Variants in TFEC observed in about 807,000 individuals in gnomAD.
The protein encoded by TFEC is transcription factor EC.
A neutral mutation model predicts 41.6 loss-of-function variants in TFEC; 31 were observed. The observed-to-expected ratio is 0.74, with a 90% confidence interval of 0.56 to 1.01. The LOEUF is 1.01. TFEC is among the 50% of genes least tolerant of loss of function. The probability of loss-of-function intolerance (pLI) is 0.00; values close to 1 mark genes in which losing one functional copy is unlikely to be tolerated. For synonymous variants in TFEC, 143 were observed against 140.6 expected, an observed-to-expected ratio of 1.02 and a Z score of -0.12; for missense variants, 402 against 404.1, an observed-to-expected ratio of 0.99 and a Z score of 0.04.
At chr7:116,139,211 T>C (rs932657816) in intron 1 of TFEC, among the ~76,000 whole-genome samples, 5 of 152,122 alleles carry the variant, frequency 3.3e-5, no homozygotes, top group African/African-American at 9.7e-5. Context: ...GCCTGTGAAG[T>C]AGAACAGTTT....
intron 3 of TFEC, among the ~76,000 whole-genome samples, chr7:116,057,713 A>C (rs1193662715): frequency 6.6e-6 from 1 of 151,896 alleles, no homozygotes; most frequent in Non-Finnish European, 1.5e-5. Context: ...GGTTTATACT[A>C]TCAGTAAAAG....
chr7:116,148,331 T>G (rs903099330), intron 1 of TFEC, among the ~76,000 whole-genome samples: 1 of 152,120 alleles, frequency 6.6e-6, no homozygotes, highest in African/African-American at 2.4e-5. Flanking sequence ...TGAAAGTATA[T>G]AGTGCTATGG....
At chr7:116,159,471 C>T (rs567309112) in intron 1 of TFEC, among the ~76,000 whole-genome samples, 3 of 151,986 alleles carry the variant, frequency 2.0e-5, no homozygotes, top group East Asian at 3.9e-4. Flanking sequence ...TAAACTTCAG[C>T]GATATTTGAA....
intron 2 of TFEC, among the ~76,000 whole-genome samples, chr7:115,982,711 A>G (rs1267111988): frequency 6.6e-6 from 1 of 152,180 alleles, no homozygotes; most frequent in Non-Finnish European, 1.5e-5. Context: ...GGCCAGAGCA[A>G]TTCTTGGGAC....
chr7:115,983,903 CTGTTT>C (rs1254036356), intron 2 of TFEC, among the ~76,000 whole-genome samples: 2 of 152,018 alleles, frequency 1.3e-5, no homozygotes, highest in Non-Finnish European at 2.9e-5. Flanking sequence ...TAATTTCTGT[CTGTTT>C]TATGTTAATG....
At chr7:116,120,568 A>G (rs1798089447) in intron 1 of TFEC, 1 of 152,018 alleles carries the variant, frequency 6.6e-6, no homozygotes, top group African/African-American at 2.4e-5. Flanking sequence ...TCTGTGATAG[A>G]GACTGCATGC....
chr7:116,151,122 A>C (rs771981867), intron 1 of TFEC, among the ~76,000 whole-genome samples: 5 of 152,204 alleles, frequency 3.3e-5, no homozygotes, highest in Non-Finnish European at 5.9e-5. Context: ...TATGAAAATA[A>C]AGAAATATGT....
chr7:116,157,157 T>G, intron 1 of TFEC: 1 of 152,176 alleles, frequency 6.6e-6, no homozygotes, highest in African/African-American at 2.4e-5. Flanking sequence ...TTTTCCTATA[T>G]CTCAATGCTT....
At chr7:115,959,301 ACTT>A (rs1213787438) in intron 3 of TFEC, among the ~76,000 whole-genome samples, 7 of 151,782 alleles carry the variant, frequency 4.6e-5, no homozygotes, top group Non-Finnish European at 8.8e-5. Flanking sequence ...ATAAGGCAAT[ACTT>A]CTTTCTGATA....
intron 3 of TFEC, among the ~76,000 whole-genome samples, chr7:115,957,202 A>AT (rs1792282629): frequency 6.6e-6 from 1 of 151,918 alleles, no homozygotes; most frequent in Non-Finnish European, 1.5e-5. Context: ...CAAATTAGGT[A>AT]TAACGGTTGA....
chr7:116,152,256 G>A (rs547512031), intron 1 of TFEC, among the ~76,000 whole-genome samples: 6 of 152,206 alleles, frequency 3.9e-5, no homozygotes, highest in African/African-American at 1.4e-4. Context: ...TGGAACAACA[G>A]GCACCACAGA....
intron 1 of TFEC, among the ~76,000 whole-genome samples, chr7:116,133,667 C>CT (rs201145425): frequency 0.015 from 2,137 of 144,864 alleles, 44 homozygotes; most frequent in African/African-American, 0.052. Context: ...AAAAATGTAG[C>CT]TTTTTTTTCC....
chr7:115,949,238 T>A (rs1055028914), intron 6 of TFEC, among the ~76,000 whole-genome samples: 7 of 152,000 alleles, frequency 4.6e-5, no homozygotes, highest in Non-Finnish European at 8.8e-5. Context: ...TGCTCATGGG[T>A]AGGAAGAATC....
upstream of TFEC, among the ~76,000 whole-genome samples, chr7:116,033,502 CT>C (rs1449273858): frequency 1.3e-5 from 2 of 152,022 alleles, no homozygotes; most frequent in African/African-American, 2.4e-5. Flanking sequence ...CATTTTCTTC[CT>C]TTTTTCAGTT....
intron 3 of TFEC, chr7:115,968,204 T>TCTATAA (rs752704123): frequency 1.3e-4 from 199 of 1,530,850 alleles, no homozygotes; most frequent in Non-Finnish European, 1.6e-4. Context: ...CTTTGAAGTG[T>TCTATAA]CTATAACCTT....
intron 3 of TFEC, among the ~76,000 whole-genome samples, chr7:116,101,584 C>T (rs1417055709): frequency 6.6e-6 from 1 of 151,848 alleles, no homozygotes; most frequent in African/African-American, 2.4e-5. Flanking sequence ...CTGACTGGCT[C>T]TTTAAATAAT....
At chr7:116,052,015 T>G (rs1270127366) in intron 3 of TFEC, among the ~76,000 whole-genome samples, 1 of 151,568 alleles carries the variant, frequency 6.6e-6, no homozygotes, top group African/African-American at 2.4e-5. Context: ...ATGGGTAATC[T>G]GCTAGAGAAA....
rs751239837 is a variant in TFEC at position 115,940,550 on chromosome 7, C to G, written c.*1G>C. On this transcript the variant is annotated 3_prime_UTR_variant, in exon 8 of 8. Transcript: ENST00000265440. ...GTTGATGAATTGGGTCTGTTTATTT[C>G]TTATAATTCATCACCATCATCTGAG... 3 of 1,604,730 alleles carry G rather than the reference C, an allele frequency of 1.9e-6. No homozygotes were observed. The highest frequency in any genetic ancestry group is 1.7e-5 in the Admixed American group (1 of 59,236).
rs183748834 is a variant in TFEC, at chr7:116,082,943, C to T, written c.198+27765G>A. Among the ~76,000 whole-genome samples, 499 of 151,802 alleles carry T rather than the reference C, an allele frequency of 3.3e-3. 3 individuals carry two copies. Among genetic ancestry groups the T allele is most frequent in the Non-Finnish European group, 5.4e-3 (364 of 67,812 alleles). On this transcript the variant is annotated intron_variant, in intron 3 of 8. Coordinates refer to the TFEC transcript ENST00000484212. ...GTAATACTTTACTGTAATTTGTCTT[C>T]AAAGCTCTAGAAAAATTCAATTGAA...
Sources: allele counts gnomAD v4.1 joint callset (sites outside exome capture counted in the v4.1 genomes callset), GRCh38; gene constraint gnomAD v4.1.1; transcripts MANE v1.5; gene names NCBI Gene and HGNC (gene_info 2026-07-23, HGNC 2026-07-21).